Variants in CACNA1E observed in about 807,000 individuals in gnomAD.
The protein encoded by CACNA1E is calcium voltage-gated channel subunit alpha1 E.
CACNA1E carries 40 observed loss-of-function variants against 259.2 expected under a neutral mutation model. That is an observed-to-expected ratio of 0.15 (90% confidence interval 0.12 to 0.20). The LOEUF (loss-of-function observed/expected upper bound fraction) is 0.20, where lower values mean the gene tolerates loss of function less well. CACNA1E is among the 10% of genes least tolerant of loss of function. CACNA1E has a pLI of 1.00. For synonymous variants in CACNA1E, 1,104 were observed against 1,138.5 expected (o/e 0.97, Z 0.61); for missense variants, 1,874 against 3,040.1 (o/e 0.62, Z 9.02).
intron 34 of CACNA1E, among the ~76,000 whole-genome samples, chr1:181,766,088 C>T (rs570331875): frequency 6.6e-6 from 1 of 152,316 alleles, no homozygotes; most frequent in South Asian, 2.1e-4. Context: ...AATCATTTCA[C>T]TTTGATTCCA....
rs764408496 is a variant in CACNA1E, at chr1:181,806,351, C to G, written c.*7517C>G. On this transcript the variant is annotated 3_prime_UTR_variant, in exon 48 of 48. Transcript: ENST00000367573. ...GGAGGTGGACTACAGGGTCCACACC[C>G]TCTGTCCTTCGGGGCCCATGGTCAG... The G allele has an allele frequency of 1.3e-5, 2 of 152,238 alleles. No individual in the cohort carries two copies. Among genetic ancestry groups the G allele is most frequent in the African/African-American group, 2.4e-5 (1 of 41,452 alleles). 9.4% of individuals were successfully genotyped at this position (152,238 alleles called of 1,614,324 possible).
At chr1:181,338,075 A>G (rs1017052150) in intron 1 of CACNA1E, among the ~76,000 whole-genome samples, 1 of 151,988 alleles carries the variant, frequency 6.6e-6, no homozygotes, top group Non-Finnish European at 1.5e-5. Flanking sequence ...GTTATACCCC[A>G]TTGTGGGCTT....
intron 2 of CACNA1E, among the ~76,000 whole-genome samples, chr1:181,446,669 C>T (rs184858845): frequency 6.6e-6 from 1 of 152,212 alleles, no homozygotes; most frequent in Non-Finnish European, 1.5e-5. Context: ...GCTGTCTGCT[C>T]AATCCCATTA....
At chr1:181,650,427 A>C (rs1183432865) in intron 6 of CACNA1E, among the ~76,000 whole-genome samples, 1 of 152,176 alleles carries the variant, frequency 6.6e-6, no homozygotes, top group Admixed American at 6.5e-5. Context: ...GGGATTTCAA[A>C]GCCCTGCATA....
At chr1:181,367,211 T>A (rs1654337593) in intron 1 of CACNA1E, among the ~76,000 whole-genome samples, 1 of 152,228 alleles carries the variant, frequency 6.6e-6, no homozygotes, top group Admixed American at 6.5e-5. Flanking sequence ...AGGCAGGTTC[T>A]TAGCAAAATT....
chr1:181,789,650 AT>A (rs1177349738), intron 43 of CACNA1E, among the ~76,000 whole-genome samples: 9 of 152,214 alleles, frequency 5.9e-5, no homozygotes, highest in African/African-American at 2.2e-4. Context: ...CAGGCACCTC[AT>A]TCTCCAGAAA....
intron 1 of CACNA1E, among the ~76,000 whole-genome samples, chr1:181,491,482 T>C (rs370896819): frequency 1.3e-5 from 2 of 152,242 alleles, no homozygotes; most frequent in Admixed American, 6.5e-5. Context: ...TTGAGAACCA[T>C]TGCTGTACAT....
intron 3 of CACNA1E, among the ~76,000 whole-genome samples, chr1:181,541,743 T>A (rs142665301): frequency 6.6e-6 from 1 of 152,278 alleles, no homozygotes; most frequent in African/African-American, 2.4e-5. Context: ...GTATTAGAGA[T>A]CTTGTTTCTT....
At chr1:181,745,232 T>C (rs1656955036) in intron 25 of CACNA1E, 1 of 323,434 alleles carries the variant, frequency 3.1e-6, no homozygotes, top group East Asian at 8.1e-5. Context: ...AAATGTGTTG[T>C]CTGCTGCATG....
At chr1:181,446,913 A>C (rs1660826356) in intron 2 of CACNA1E, among the ~76,000 whole-genome samples, 1 of 151,866 alleles carries the variant, frequency 6.6e-6, no homozygotes, top group Non-Finnish European at 1.5e-5. Context: ...TATTCTTAGG[A>C]GTGCTGTTCT....
chr1:181,783,549 A>C, intron 39 of CACNA1E, 130 bp from the exon 40 acceptor site: 6 of 584,216 alleles, frequency 1.0e-5, no homozygotes, highest in Non-Finnish European at 1.9e-5. Flanking sequence ...GGACTGGGGC[A>C]GGGGATGGGG....
intron 1 of CACNA1E, among the ~76,000 whole-genome samples, chr1:181,322,974 G>A (rs931450852): frequency 2.0e-5 from 3 of 152,164 alleles, no homozygotes; most frequent in African/African-American, 7.2e-5. Flanking sequence ...GAGTGCATCC[G>A]TCCCTGTGAG....
intron 7 of CACNA1E, among the ~76,000 whole-genome samples, chr1:181,679,447 TAGA>T (rs1176302115): frequency 6.6e-6 from 1 of 152,156 alleles, no homozygotes; most frequent in African/African-American, 2.4e-5. Flanking sequence ...AAGGTCCTAT[TAGA>T]AGAAGGCAAA....
chr1:181,681,410 T>C (rs1649958921), intron 7 of CACNA1E, among the ~76,000 whole-genome samples: 1 of 152,224 alleles, frequency 6.6e-6, no homozygotes, highest in African/African-American at 2.4e-5. Flanking sequence ...AGCATCCTTA[T>C]CTGGTCTGCA....
At chr1:181,720,528 T>C (rs953765323) in intron 14 of CACNA1E, among the ~76,000 whole-genome samples, 191 bp downstream of exon 14, 1 of 152,138 alleles carries the variant, frequency 6.6e-6, no homozygotes, top group African/African-American at 2.4e-5. Context: ...CTGTACAGGG[T>C]TCTCATTCCG....
intron 6 of CACNA1E, among the ~76,000 whole-genome samples, chr1:181,595,716 G>A (rs1653091735): frequency 6.6e-6 from 1 of 152,150 alleles, no homozygotes. Context: ...CCACAGGCGA[G>A]GGTATCCAGG....
intron 1 of CACNA1E, among the ~76,000 whole-genome samples, chr1:181,378,335 A>T (rs913907614): frequency 2.0e-4 from 31 of 152,366 alleles, no homozygotes; most frequent in East Asian, 1.2e-3. Flanking sequence ...AAAGGACAGT[A>T]ATCTTTGAGC....
chr1:181,347,921 T>C (rs991467124), intron 1 of CACNA1E, among the ~76,000 whole-genome samples: 3 of 152,246 alleles, frequency 2.0e-5, no homozygotes, highest in Non-Finnish European at 2.9e-5. Context: ...GCAATTTGCA[T>C]AGGCGTTAAT....
At chr1:181,784,973 T>C (rs1660734220) in intron 41 of CACNA1E, among the ~76,000 whole-genome samples, 1 of 152,194 alleles carries the variant, frequency 6.6e-6, no homozygotes, top group Non-Finnish European at 1.5e-5. Context: ...TATAGCTCTC[T>C]CCCTCCATAT....
Sources: gnomAD v4.1 joint callset for allele counts (sites outside exome capture counted in the v4.1 genomes callset) on GRCh38, gnomAD v4.1.1 for gene constraint, MANE v1.5 for transcripts, NCBI Gene and HGNC (gene_info 2026-07-23, HGNC 2026-07-21) for gene names.